The following RPTOR variants were observed in gnomAD, a reference collection of about 807,000 sequenced individuals.
The protein encoded by RPTOR is regulatory associated protein of MTOR complex 1.
A neutral mutation model predicts 169.9 loss-of-function variants in RPTOR; 21 were observed. The ratio of observed to expected loss-of-function variants is 0.12; its 90% CI spans 0.09 to 0.18. The LOEUF (loss-of-function observed/expected upper bound fraction) is 0.18. RPTOR is among the 10% of genes least tolerant of loss of function. The pLI is 1.00. For synonymous variants in RPTOR, 732 were observed against 753.2 expected, an observed-to-expected ratio of 0.97 and a Z score of 0.46; for missense variants, 1,133 against 1,855.9, an observed-to-expected ratio of 0.61 and a Z score of 7.16.
intron 1 of RPTOR, among the ~76,000 whole-genome samples, chr17:80,554,742 T>TAAAAA (rs148803677): frequency 7.0e-6 from 1 of 143,862 alleles, no homozygotes; most frequent in East Asian, 2.1e-4. Flanking sequence ...AGACTCTGTC[T>TAAAAA]CAAAACAAAA....
chr17:80,901,619 C>G (rs1344992879), intron 20 of RPTOR, among the ~76,000 whole-genome samples: 3 of 152,210 alleles, frequency 2.0e-5, no homozygotes, highest in Non-Finnish European at 1.5e-5. Context: ...GTGCACAGCA[C>G]TTCCCTGTTT....
intron 13 of RPTOR, among the ~76,000 whole-genome samples, chr17:80,858,983 G>A (rs765493684): frequency 2.0e-5 from 3 of 152,178 alleles, no homozygotes; most frequent in Admixed American, 6.5e-5. Context: ...AGGGAAACAC[G>A]GGGTGGAGAG....
intron 1 of RPTOR, among the ~76,000 whole-genome samples, chr17:80,619,345 C>G (rs1479844205): frequency 6.6e-6 from 1 of 152,180 alleles, no homozygotes; most frequent in Non-Finnish European, 1.5e-5. Context: ...CACTGCACGT[C>G]AGCCTGTGAA....
In RPTOR at chr17:80,611,755, T is replaced by TG. The variant is rs573559187; in HGVS notation, c.163-13935dup. ...CTGTTTCAATAACATCTTTTATAGCTGTTTTTTTTTTTTTAAAAAAAACAA... is the reference window on the plus strand; with the variant it reads ...CTGTTTCAATAACATCTTTTATAGCTGGTTTTTTTTTTTTTAAAAAAAACAA... On this transcript the variant is annotated intron_variant, in intron 1 of 33. Transcript: ENST00000306801. Among the ~76,000 whole-genome samples the TG allele has an allele frequency of 8.6e-3, 525 of 60,870 alleles. 1 individual carries two copies. Among genetic ancestry groups the TG allele is most frequent in the South Asian group, 0.021 (24 of 1,156 alleles). The allele number at this position is 60,870 out of a possible 152,430, so 39.9% of individuals were successfully genotyped here. A position where few individuals can be genotyped will look rare whatever the true frequency, so the allele number is the denominator to read the frequency against.
Position 80,823,377 on chromosome 17 carries a change from G to A in RPTOR, c.1136+154G>A. 6 of 937,404 alleles carry A rather than the reference G, an allele frequency of 6.4e-6. No homozygotes were observed. The highest frequency in any genetic ancestry group is 9.3e-6 in the Non-Finnish European group (6 of 646,542). 58.1% of individuals were successfully genotyped at this position (937,404 alleles called of 1,614,324 possible). On this transcript the variant is annotated intron_variant, in intron 9 of 33. Transcript: ENST00000306801. This position sits in a 1 kb window ranked among gnomAD's most constrained non-coding sequence, Gnocchi z 4.5. ...AGTGAAGCTAAATGCAGGGCTCCCA[G>A]AGATCTCCACACAGAGGAGTGGGGG... is the stretch of plus-strand genomic sequence containing the variant.
chr17:80,942,270 G>A (rs1340971562), intron 25 of RPTOR, among the ~76,000 whole-genome samples: 3 of 151,676 alleles, frequency 2.0e-5, no homozygotes, highest in Non-Finnish European at 2.9e-5. Flanking sequence ...TGGGAGCTGA[G>A]TCTGCCTCAC....
Position 80,562,653 on chromosome 17 carries a change from G to A in RPTOR, c.162+16862G>A, listed in dbSNP as rs971149028. 6.6e-6 allele frequency among the ~76,000 whole-genome samples: 1 copy of A among 152,064 alleles called. No individual in the cohort carries two copies. Among genetic ancestry groups the A allele is most frequent in the African/African-American group, 2.4e-5 (1 of 41,396 alleles). On this transcript the variant is annotated intron_variant, in intron 1 of 33. Transcript: ENST00000306801. The surrounding 1 kb of genome is among the most constrained non-coding windows in gnomAD (Gnocchi z 4.4). ...ACAGGAATTATCTGGGTGTGGTGAC[G>A]CACACCTGTAATCCCAGCTACTAAG...
At chr17:80,933,781 A>G (rs1252038548) in intron 24 of RPTOR, among the ~76,000 whole-genome samples, 4 of 152,280 alleles carry the variant, frequency 2.6e-5, no homozygotes, top group Non-Finnish European at 5.9e-5. Flanking sequence ...ATGGATTTGA[A>G]TTGAGAGCCC....
chr17:80,798,421 T>C (rs1567916986), intron 7 of RPTOR, among the ~76,000 whole-genome samples: 1 of 152,238 alleles, frequency 6.6e-6, no homozygotes, highest in East Asian at 1.9e-4. Flanking sequence ...TTTGTATGTT[T>C]TTTTCAACAC....
Position 80,610,961 on chromosome 17 carries a change from T to G in RPTOR, c.163-14730T>G, listed in dbSNP as rs76689243. On this transcript the variant is annotated intron_variant, in intron 1 of 33. Transcript: ENST00000306801. ...TGCAGTCTGTTTAATATAATGGGTT[T>G]TCGATCTTGTCCTTTCTTGGAAAGT... Among the ~76,000 whole-genome samples, 1,181 of 152,322 alleles carry G rather than the reference T, an allele frequency of 7.8e-3. 26 individuals carry two copies. Among genetic ancestry groups the G allele is most frequent in the African/African-American group, 0.027 (1,132 of 41,548 alleles).
chr17:80,927,799 C>A (rs908781876), intron 24 of RPTOR, among the ~76,000 whole-genome samples: 2 of 151,486 alleles, frequency 1.3e-5, no homozygotes. Flanking sequence ...GTCTCCTCTC[C>A]CTTTCTTCAG....
chr17:80,853,767 A>C (rs534018273), intron 11 of RPTOR, among the ~76,000 whole-genome samples: 68 of 152,326 alleles, frequency 4.5e-4, no homozygotes, highest in South Asian at 8.3e-4. Context: ...TCACAAGGTC[A>C]GGAGATCAAG....
intron 21 of RPTOR, among the ~76,000 whole-genome samples, chr17:80,914,040 C>T (rs936497048): frequency 5.9e-5 from 9 of 152,218 alleles, no homozygotes; most frequent in African/African-American, 1.2e-4. Context: ...TGTGCATGTG[C>T]GCTGGCCGCT....
At chr17:80,548,486 A>G (rs2084306518) in intron 1 of RPTOR, among the ~76,000 whole-genome samples, 2 of 138,088 alleles carry the variant, frequency 1.4e-5, no homozygotes, top group African/African-American at 2.7e-5. Flanking sequence ...GGATCAAGCT[A>G]TTCTCCTGCC....
intron 20 of RPTOR, among the ~76,000 whole-genome samples, chr17:80,894,764 CGTGTGTGT>C (rs367599427): frequency 6.6e-6 from 1 of 150,660 alleles, no homozygotes; most frequent in African/African-American, 2.4e-5. Flanking sequence ...AAGAGCGCTG[CGTGTGTGT>C]GTGTGTGTGT....
chr17:80,705,268 A>T (rs1385463489), intron 3 of RPTOR, among the ~76,000 whole-genome samples: 1 of 152,260 alleles, frequency 6.6e-6, no homozygotes, highest in East Asian at 1.9e-4. Flanking sequence ...TTTTTCGAGC[A>T]GCATTCTGGT....
chr17:80,798,873 C>T (rs1237447051), intron 7 of RPTOR, among the ~76,000 whole-genome samples: 2 of 152,190 alleles, frequency 1.3e-5, no homozygotes, highest in South Asian at 4.1e-4. Flanking sequence ...GAGAGCCACA[C>T]GGTTGTCTGG....
At chr17:80,806,414 CT>C (rs953982740) in intron 7 of RPTOR, among the ~76,000 whole-genome samples, 1 of 152,116 alleles carries the variant, frequency 6.6e-6, no homozygotes, top group African/African-American at 2.4e-5. Context: ...ACATGTATCT[CT>C]TTTTTGGTTT....
At chr17:80,942,533 G>C (rs371889916) in intron 25 of RPTOR, among the ~76,000 whole-genome samples, 1 of 152,120 alleles carries the variant, frequency 6.6e-6, no homozygotes, top group East Asian at 1.9e-4. Flanking sequence ...CAGCAGGCGT[G>C]GTGCCAGCAG....
Sources: gnomAD v4.1 joint callset for allele counts (sites outside exome capture counted in the v4.1 genomes callset) on GRCh38, gnomAD v4.1.1 for gene constraint, Gnocchi (gnomAD v3.1) non-coding constraint, MANE v1.5 for transcripts, NCBI Gene and HGNC (gene_info 2026-07-23, HGNC 2026-07-21) for gene names.